CARM1: variants seen among roughly 807,000 people sequenced by gnomAD.
CARM1 encodes histone-arginine methyltransferase CARM1.
In CARM1, 14 loss-of-function variants were observed where a neutral mutation model predicts 72.7. That is an observed-to-expected ratio of 0.19 (90% CI 0.13 to 0.30). The LOEUF (loss-of-function observed/expected upper bound fraction) is 0.30, where lower values mean the gene tolerates loss of function less well. Among genes scored for constraint, CARM1 ranks in the 10% least tolerant of loss-of-function variants. CARM1 has a pLI of 1.00. For missense variants in CARM1, 432 were observed against 833.7 expected (o/e 0.52, Z 5.93); for synonymous variants, 333 against 345.5 (o/e 0.96, Z 0.40).
At chr19:10,891,054 C>T (rs1275073530) in intron 1 of CARM1, among the ~76,000 whole-genome samples, 1 of 150,674 alleles carries the variant, frequency 6.6e-6, no homozygotes, top group Non-Finnish European at 1.5e-5. Flanking sequence ...GGGTGGCCAC[C>T]TGGGGGACAG....
At chr19:10,909,908 A>G (rs1264130096) in intron 4 of CARM1, among the ~76,000 whole-genome samples, 1 of 152,160 alleles carries the variant, frequency 6.6e-6, no homozygotes, top group Non-Finnish European at 1.5e-5. Context: ...TTCCCCATAC[A>G]GACATCAGCG....
chr19:10,921,252 G>A, intron 14 of CARM1, 123 bp from the exon 15 acceptor site: 1 of 1,430,090 alleles, frequency 7.0e-7, no homozygotes, highest in Non-Finnish European at 9.8e-7. Context: ...TCTTCCTGGG[G>A]GCTCTCGGCC....
chr19:10,894,716 GTTT>G (rs71164131), intron 1 of CARM1, among the ~76,000 whole-genome samples: 14 of 135,962 alleles, frequency 1.0e-4, no homozygotes, highest in Non-Finnish European at 2.2e-4. Flanking sequence ...ACCTCCTTGT[GTTT>G]TTTTTTTTTT....
chr19:10,900,303 CTCTA>C (rs2074054499), intron 1 of CARM1, among the ~76,000 whole-genome samples: 2 of 152,296 alleles, frequency 1.3e-5, no homozygotes, highest in African/African-American at 2.4e-5. Flanking sequence ...TAACAATCAC[CTCTA>C]TCTACTCCCA....
At chr19:10,903,212 T>C (rs921333130) in intron 1 of CARM1, among the ~76,000 whole-genome samples, 11 of 152,246 alleles carry the variant, frequency 7.2e-5, no homozygotes, top group African/African-American at 2.4e-4. Context: ...TCTGTTCCAT[T>C]GATCTGTGTC....
At chr19:10,891,697 G>A (rs987988644) in intron 1 of CARM1, among the ~76,000 whole-genome samples, 4 of 152,240 alleles carry the variant, frequency 2.6e-5, no homozygotes, top group African/African-American at 7.2e-5. Flanking sequence ...CCCGCCCCCA[G>A]CCTTCGCCAT....
At chr19:10,903,467 A>G in intron 1 of CARM1, among the ~76,000 whole-genome samples, 1 of 152,232 alleles carries the variant, frequency 6.6e-6, no homozygotes, top group East Asian at 1.9e-4. Context: ...TTTTCTAAGA[A>G]AATATGCATT....
chr19:10,876,941 C>G (rs959868514), intron 1 of CARM1, among the ~76,000 whole-genome samples: 4 of 152,246 alleles, frequency 2.6e-5, no homozygotes, highest in Non-Finnish European at 5.9e-5. Flanking sequence ...CTCTCCCATC[C>G]CCTTGGCTCA....
At position 10,916,048 on chromosome 19, in the gene CARM1, T is replaced by C. The variant is rs887719317; in HGVS notation, c.848-359T>C. ...TGCTATGCTTTCCCGGCTGCACACATGCACAGACGGCAGGGCCTGAGAGGC... is the reference window on the plus strand; with the variant it reads ...TGCTATGCTTTCCCGGCTGCACACACGCACAGACGGCAGGGCCTGAGAGGC... On this transcript the variant is annotated intron_variant, in intron 6 of 15. Coordinates refer to ENST00000327064, the MANE Select transcript of CARM1 (RefSeq NM_199141.2). The surrounding 1 kb of genome is among the most constrained non-coding windows in gnomAD (Gnocchi z 4.4). Among the ~76,000 whole-genome samples, 1 of 152,228 alleles carries C rather than the reference T, an allele frequency of 6.6e-6. No individual in the cohort carries two copies. Among genetic ancestry groups the C allele is most frequent in the African/African-American group, 2.4e-5 (1 of 41,470 alleles).
intron 4 of CARM1, among the ~76,000 whole-genome samples, chr19:10,909,867 C>G (rs770218284): frequency 6.6e-6 from 1 of 152,194 alleles, no homozygotes; most frequent in African/African-American, 2.4e-5. Context: ...TAGCCGCTAC[C>G]CCTCAGTATG....
intron 2 of CARM1, among the ~76,000 whole-genome samples, chr19:10,906,053 G>A (rs1425793089): frequency 1.3e-5 from 2 of 149,238 alleles, no homozygotes; most frequent in Non-Finnish European, 3.0e-5. Flanking sequence ...GGTTCAAGGC[G>A]ATTCTTATGC....
chr19:10,877,703 C>T (rs906274470), intron 1 of CARM1, among the ~76,000 whole-genome samples: 1 of 151,764 alleles, frequency 6.6e-6, no homozygotes, highest in South Asian at 2.1e-4. Context: ...ATTACAGGTG[C>T]GAGCCACCGC....
rs764822141 is a variant in CARM1, at chr19:10,871,899, C to T, written c.197C>T (p.Ser66Leu). ...LRLEVRAGPD[S>L]AGIALYSHED... ...CTCGAGGTGCGCGCCGGCCCGGACTCGGCGGGCATCGCCCTCTACAGCCGT... is the reference window on the plus strand; with the variant it reads ...CTCGAGGTGCGCGCCGGCCCGGACTTGGCGGGCATCGCCCTCTACAGCCGT... Residue 66 changes from serine (S) to leucine (L), a missense_variant, in exon 1 of 16, where the codon TCG becomes TTG. By Grantham distance (145) the Ser-to-Leu change is moderately radical. Coordinates refer to ENST00000327064, the MANE Select transcript of CARM1 (RefSeq NM_199141.2). This position sits in a 1 kb window ranked among gnomAD's most constrained non-coding sequence, Gnocchi z 5.6. 1.3e-4 allele frequency: 164 copies of T among 1,230,032 alleles called. No homozygotes were observed. The highest frequency in any genetic ancestry group is 1.6e-4 in the Non-Finnish European group (158 of 982,842). The allele number at this position is 1,230,032 out of a possible 1,614,324, so 76.2% of individuals were successfully genotyped here.
At chr19:10,894,514 T>A (rs1179358800) in intron 1 of CARM1, among the ~76,000 whole-genome samples, 2 of 152,096 alleles carry the variant, frequency 1.3e-5, no homozygotes, top group Non-Finnish European at 2.9e-5. Context: ...AGGAGGCGAT[T>A]TAATACAAGA....
intron 1 of CARM1, among the ~76,000 whole-genome samples, chr19:10,891,067 C>T (rs1279250599): frequency 6.6e-6 from 1 of 151,126 alleles, no homozygotes; most frequent in Non-Finnish European, 1.5e-5. Flanking sequence ...GGGGACAGGG[C>T]CAGACACTTG....
chr19:10,891,474 T>G (rs528048180), intron 1 of CARM1, among the ~76,000 whole-genome samples: 1 of 152,010 alleles, frequency 6.6e-6, no homozygotes, highest in Non-Finnish European at 1.5e-5. Context: ...CTGAGGGCCG[T>G]GGGGTGGGTG....
At chr19:10,874,374 C>CT (rs1187392573) in intron 1 of CARM1, among the ~76,000 whole-genome samples, 1 of 151,258 alleles carries the variant, frequency 6.6e-6, no homozygotes, top group Admixed American at 6.6e-5. Flanking sequence ...TTTTTTCTTT[C>CT]TTTTTTATTT....
At position 10,913,858 on chromosome 19, in the gene CARM1, T is replaced by C; in HGVS notation, c.670-19T>C. On this transcript the variant is annotated intron_variant, in intron 5 of 15. Coordinates refer to ENST00000327064, the MANE Select transcript of CARM1 (RefSeq NM_199141.2). The stretch of plus-strand genomic sequence containing the variant: ...GCAGGAAGACGCAGGGAAGCCCACA[T>C]GGCCCTGCCCGCCTGCAGGTCTTGG... 1.2e-6 allele frequency: 2 copies of C among 1,606,588 alleles called. No individual in the cohort carries two copies. The highest frequency in any genetic ancestry group is 1.7e-6 in the Non-Finnish European group (2 of 1,176,014).
intron 1 of CARM1, among the ~76,000 whole-genome samples, chr19:10,895,663 G>GC (rs2074019126): frequency 6.6e-6 from 1 of 152,200 alleles, no homozygotes. Flanking sequence ...TGAACCCACT[G>GC]CCCCCTGTGC....
Sources: allele counts gnomAD v4.1 joint callset (sites outside exome capture counted in the v4.1 genomes callset), GRCh38; gene constraint gnomAD v4.1.1; non-coding constraint Gnocchi (gnomAD v3.1); transcripts MANE v1.5; gene names NCBI Gene and HGNC (gene_info 2026-07-23, HGNC 2026-07-21).